The following GOLIM4 variants were observed in gnomAD, a reference collection of about 807,000 sequenced individuals.
The protein encoded by GOLIM4 is golgi integral membrane protein 4.
In GOLIM4, 71 loss-of-function variants were observed where a neutral mutation model predicts 107.4. The observed-to-expected ratio is 0.66, with a 90% confidence interval of 0.55 to 0.81. The LOEUF is 0.81. Ranked by LOEUF, GOLIM4 falls within the 30% of genes least tolerant of loss-of-function variation. GOLIM4 has a pLI of 0.00. For synonymous variants in GOLIM4, 327 were observed against 294.8 expected, an observed-to-expected ratio of 1.11 and a Z score of -1.12; for missense variants, 830 against 826.1, an observed-to-expected ratio of 1.00 and a Z score of -0.06.
Position 168,010,170 on chromosome 3 carries a change from T to A in GOLIM4, c.*99A>T. 2 of 1,084,092 alleles carry A rather than the reference T, an allele frequency of 1.8e-6. No homozygotes were observed. The highest frequency in any genetic ancestry group is 1.9e-5 in the South Asian group (1 of 51,608). The allele number at this position is 1,084,092 out of a possible 1,614,324, so 67.2% of individuals were successfully genotyped here. On this transcript the variant is annotated 3_prime_UTR_variant, in exon 16 of 16. Transcript: ENST00000470487. The stretch of plus-strand genomic sequence containing the variant: ...GTTTTAAAAAAGTCTAAGTTCTTAA[T>A]TTTTGTAATTAAATATCCTAGAGTT...
At chr3:168,032,162 C>T (rs1718367514) in intron 9 of GOLIM4, among the ~76,000 whole-genome samples, 2 of 152,146 alleles carry the variant, frequency 1.3e-5, no homozygotes, top group Admixed American at 1.3e-4. Context: ...AGATTTTTCT[C>T]TGCCTCAAGA....
chr3:168,047,016 G>A lies in GOLIM4; in HGVS notation c.263-17C>T, dbSNP rs2108251560. 1 of 1,154,876 alleles carries A rather than the reference G, an allele frequency of 8.7e-7. No homozygotes were observed. The highest frequency in any genetic ancestry group is 1.2e-6 in the Non-Finnish European group (1 of 809,834). The allele number at this position is 1,154,876 out of a possible 1,614,324, so 71.5% of individuals were successfully genotyped here. A position where few individuals can be genotyped will look rare whatever the true frequency, so the allele number is the denominator to read the frequency against. On this transcript the variant is annotated splice_polypyrimidine_tract_variant and intron_variant, in intron 2 of 15. Coordinates refer to ENST00000470487, the MANE Select transcript of GOLIM4 (RefSeq NM_014498.5). ...CAAGAAAATCTAGAAAATACAAGAT[G>A]GAAAAAAACAGTGATAATTCACTAC... is the stretch of plus-strand genomic sequence containing the variant.
intron 9 of GOLIM4, among the ~76,000 whole-genome samples, chr3:168,031,527 C>A (rs1239025632): frequency 6.6e-6 from 1 of 152,128 alleles, no homozygotes; most frequent in Non-Finnish European, 1.5e-5. Context: ...ATCCTCCCTG[C>A]CATACCCCAA....
rs1050082032 is a variant in GOLIM4 at position 168,030,120 on chromosome 3, G to A, written c.1177-84C>T. 3.7e-6 allele frequency: 5 copies of A among 1,362,162 alleles called. No individual in the cohort carries two copies. The African/African-American group carries it at 5.7e-5, about 16-fold the overall frequency. 84.4% of individuals were successfully genotyped at this position (1,362,162 alleles called of 1,614,324 possible). On this transcript the variant is annotated intron_variant, in intron 9 of 15. Transcript: ENST00000470487. Reference sequence around the variant, plus strand: ...TCATTTGTTTCTCCTGACAAACTCAGGAGGCAGAGCTGGTTTATTAACGAC... The same window carrying A: ...TCATTTGTTTCTCCTGACAAACTCAAGAGGCAGAGCTGGTTTATTAACGAC...
intron 1 of GOLIM4, among the ~76,000 whole-genome samples, chr3:168,052,714 G>C (rs952564420): frequency 6.6e-6 from 1 of 152,022 alleles, no homozygotes; most frequent in African/African-American, 2.4e-5. Flanking sequence ...TATCTAGCTA[G>C]GTTTACTGTT....
At chr3:168,064,199 G>T (rs1459116792) in intron 1 of GOLIM4, among the ~76,000 whole-genome samples, 1 of 152,170 alleles carries the variant, frequency 6.6e-6, no homozygotes, top group Non-Finnish European at 1.5e-5. Context: ...TCTGTCCACA[G>T]TCTTTTTATA....
intron 14 of GOLIM4, among the ~76,000 whole-genome samples, chr3:168,012,233 A>G (rs9705496): frequency 0.5 from 60,132 of 120,926 alleles, 16,726 homozygotes; most frequent in African/African-American, 0.72. Flanking sequence ...CGAGAACTAC[A>G]TGAAGAATGC....
rs558179583 is a variant in GOLIM4, at chr3:168,089,769, CT to C, written c.187+5329del. ...GGTTCTGTGCTGAAGATGTTTCTCTCTTTTTTTTTTTTTTTTTGAGACAGAG... is the reference window on the plus strand; with the variant it reads ...GGTTCTGTGCTGAAGATGTTTCTCTCTTTTTTTTTTTTTTTTGAGACAGAG... On this transcript the variant is annotated intron_variant, in intron 1 of 15. Transcript: ENST00000470487. 3.1e-3 allele frequency among the ~76,000 whole-genome samples: 424 copies of C among 137,858 alleles called. 1 individual carries two copies. The highest frequency in any genetic ancestry group is 0.026 in the Middle Eastern group (7 of 266). 90.4% of individuals were successfully genotyped at this position (137,858 alleles called of 152,430 possible).
At chr3:168,052,355 CAT>C (rs68032228) in intron 1 of GOLIM4, among the ~76,000 whole-genome samples, 38,596 of 149,820 alleles carry the variant, frequency 0.26, 5,887 homozygotes, top group African/African-American at 0.43. Flanking sequence ...CATATATGTG[CAT>C]ATATATATAT....
chr3:168,044,411 T>C (rs186888120), intron 4 of GOLIM4, among the ~76,000 whole-genome samples: 6 of 152,304 alleles, frequency 3.9e-5, no homozygotes, highest in African/African-American at 1.2e-4. Flanking sequence ...TGTGTTCCTG[T>C]GGTAAGTAAA....
At chr3:168,080,614 C>CG (rs144328987) in intron 1 of GOLIM4, among the ~76,000 whole-genome samples, 2 of 152,062 alleles carry the variant, frequency 1.3e-5, no homozygotes, top group African/African-American at 4.8e-5. Flanking sequence ...AACTTAGGTG[C>CG]TTCTATAGGC....
chr3:168,077,972 TATTTA>T (rs1251129808), intron 1 of GOLIM4, among the ~76,000 whole-genome samples: 1 of 151,096 alleles, frequency 6.6e-6, no homozygotes, highest in African/African-American at 2.4e-5. Flanking sequence ...ACTCTAGATA[TATTTA>T]TTTATTTATT....
At chr3:168,056,495 AC>A (rs1719980011) in intron 1 of GOLIM4, among the ~76,000 whole-genome samples, 1 of 152,152 alleles carries the variant, frequency 6.6e-6, no homozygotes, top group Admixed American at 6.5e-5. Flanking sequence ...AACAGCTTGC[AC>A]CATGCACCTG....
intron 14 of GOLIM4, among the ~76,000 whole-genome samples, chr3:168,012,789 A>G (rs1717129669): frequency 6.6e-6 from 1 of 152,128 alleles, no homozygotes; most frequent in South Asian, 2.1e-4. Flanking sequence ...CAGCCAAACT[A>G]AGCTTCATAA....
intron 5 of GOLIM4, among the ~76,000 whole-genome samples, chr3:168,042,589 G>T (rs1223271311): frequency 2.0e-5 from 3 of 152,202 alleles, no homozygotes; most frequent in Non-Finnish European, 2.9e-5. Context: ...TTGAAATGGG[G>T]AAGACGTGTG....
chr3:168,095,589 C>T lies in GOLIM4; in HGVS notation c.-304G>A, dbSNP rs770392627. 2 of 353,426 alleles carry T rather than the reference C, an allele frequency of 5.7e-6. No individual in the cohort carries two copies. The highest frequency in any genetic ancestry group is 6.7e-5 in the East Asian group (1 of 14,866). 21.9% of individuals were successfully genotyped at this position (353,426 alleles called of 1,614,324 possible). ...CAGAGCCGGCTGCCCTCGCGCCTGT[C>T]CCCAGATGCCTCCTGCCTTTTTTCC... On this transcript the variant is annotated 5_prime_UTR_variant, in exon 1 of 16. Transcript: ENST00000470487.
intron 13 of GOLIM4, 57 bp downstream of exon 13, chr3:168,024,871 C>CAGAT (rs1318713692): frequency 6.6e-7 from 1 of 1,517,100 alleles, no homozygotes; most frequent in Non-Finnish European, 9.1e-7. Flanking sequence ...TTACATAAAC[C>CAGAT]AGATGTTTCT....
At chr3:168,069,695 A>C (rs1391626033) in intron 1 of GOLIM4, among the ~76,000 whole-genome samples, 1 of 152,202 alleles carries the variant, frequency 6.6e-6, no homozygotes, top group African/African-American at 2.4e-5. Flanking sequence ...TCTGTCTTTG[A>C]ATAAAATGAA....
intron 7 of GOLIM4, 116 bp downstream of exon 7, chr3:168,040,670 G>C: frequency 1.6e-6 from 1 of 622,634 alleles, no homozygotes; most frequent in Non-Finnish European, 2.9e-6. Context: ...GATTAGGATA[G>C]CTCTGTCCTA....
Sources: allele counts gnomAD v4.1 joint callset (sites outside exome capture counted in the v4.1 genomes callset), GRCh38; gene constraint gnomAD v4.1.1; transcripts MANE v1.5; gene names NCBI Gene and HGNC (gene_info 2026-07-23, HGNC 2026-07-21).